SMYD3: variants seen among roughly 807,000 people sequenced by gnomAD.
SMYD3 encodes the protein SET and MYND domain containing 3.
A neutral mutation model predicts 57.7 loss-of-function variants in SMYD3; 36 were observed. The observed-to-expected ratio is 0.62, with a 90% confidence interval of 0.48 to 0.82. SMYD3 has a LOEUF of 0.82. SMYD3 is among the 40% of genes least tolerant of loss of function. The pLI, the probability that SMYD3 is intolerant of heterozygous loss-of-function variation, is 0.00. For synonymous variants in SMYD3, 211 were observed against 195.0 expected, an observed-to-expected ratio of 1.08 and a Z score of -0.68; for missense variants, 515 against 538.8, an observed-to-expected ratio of 0.96 and a Z score of 0.44.
chr1:245,749,483 G>T lies in SMYD3; in HGVS notation c.*80C>A. On this transcript the variant is annotated 3_prime_UTR_variant, in exon 12 of 12. Transcript: ENST00000490107. ...ATTTCCAATAGGAGAGGTTCACACA[G>T]CTAACAAAGCATAGAGTGTGTGACC... 3.6e-6 allele frequency: 4 copies of T among 1,098,794 alleles called. No homozygotes were observed. The highest frequency in any genetic ancestry group is 5.5e-6 in the Non-Finnish European group (4 of 723,410). The allele number at this position is 1,098,794 out of a possible 1,614,324, so 68.1% of individuals were successfully genotyped here. A position where few individuals can be genotyped will look rare whatever the true frequency, so the allele number is the denominator to read the frequency against.
At chr1:246,502,479 AT>A (rs1156915187) in intron 1 of SMYD3, among the ~76,000 whole-genome samples, 1 of 152,000 alleles carries the variant, frequency 6.6e-6, no homozygotes. Flanking sequence ...AATATGCGCC[AT>A]TTTTTCTATA....
intron 5 of SMYD3, among the ~76,000 whole-genome samples, chr1:246,170,537 T>C (rs369235280): frequency 7.2e-5 from 11 of 152,228 alleles, no homozygotes; most frequent in African/African-American, 2.6e-4. Context: ...AATTCTACTA[T>C]GAGTAATTTT....
At chr1:246,266,078 T>C (rs905680757) in intron 5 of SMYD3, among the ~76,000 whole-genome samples, 1 of 152,246 alleles carries the variant, frequency 6.6e-6, no homozygotes, top group African/African-American at 2.4e-5. Context: ...TTTTAGTTCT[T>C]GTTTGCTGAA....
At chr1:245,905,210 A>G (rs1260029929) in intron 8 of SMYD3, among the ~76,000 whole-genome samples, 1 of 151,916 alleles carries the variant, frequency 6.6e-6, no homozygotes, top group Non-Finnish European at 1.5e-5. Context: ...TGTTTGAGAA[A>G]AGCAGAGAGA....
At chr1:245,960,630 G>A (rs778856310) in intron 5 of SMYD3, among the ~76,000 whole-genome samples, 1 of 152,162 alleles carries the variant, frequency 6.6e-6, no homozygotes, top group Non-Finnish European at 1.5e-5. Flanking sequence ...AGGAGGCTGA[G>A]GTGGGAGGAT....
At chr1:245,749,735 C>T (rs1258525118) in intron 11 of SMYD3, 71 bp from the exon 12 acceptor site, 10 of 1,218,982 alleles carry the variant, frequency 8.2e-6, no homozygotes, top group Non-Finnish European at 7.2e-6. Context: ...CACCTTTACC[C>T]CATGATGCCA....
intron 1 of SMYD3, among the ~76,000 whole-genome samples, chr1:246,378,745 T>TATATA (rs201719832): frequency 3.6e-5 from 4 of 112,164 alleles, no homozygotes; most frequent in African/African-American, 1.1e-4. Context: ...TATATAATTA[T>TATATA]ATATAATATA....
At chr1:246,060,214 A>G (rs999043858) in intron 5 of SMYD3, among the ~76,000 whole-genome samples, 5 of 152,054 alleles carry the variant, frequency 3.3e-5, no homozygotes, top group African/African-American at 1.2e-4. Flanking sequence ...CTTGAGCTCA[A>G]GAAGTTGAGG....
At chr1:246,351,691 C>G (rs990205434) in intron 2 of SMYD3, among the ~76,000 whole-genome samples, 3 of 152,160 alleles carry the variant, frequency 2.0e-5, no homozygotes, top group African/African-American at 7.2e-5. Context: ...GTATATCCTC[C>G]ATCCATAAAA....
chr1:246,443,826 A>G (rs1403126300), intron 1 of SMYD3, among the ~76,000 whole-genome samples: 2 of 152,216 alleles, frequency 1.3e-5, no homozygotes, highest in Non-Finnish European at 2.9e-5. Context: ...ACTTAATGAA[A>G]TATGTCCACC....
At chr1:246,122,929 T>TC (rs1177927697) in intron 5 of SMYD3, among the ~76,000 whole-genome samples, 2 of 152,238 alleles carry the variant, frequency 1.3e-5, no homozygotes, top group Non-Finnish European at 2.9e-5. Context: ...CAGAACTTCT[T>TC]CATAGGAAGT....
rs145895953 is a variant in SMYD3 at position 245,789,621 on chromosome 1, C to T, written c.1077-25472G>A. Among the ~76,000 whole-genome samples the T allele has an allele frequency of 2.5e-3, 379 of 152,268 alleles. 2 individuals carry two copies. Among genetic ancestry groups the T allele is most frequent in the East Asian group, 0.024 (122 of 5,180 alleles). On this transcript the variant is annotated intron_variant, in intron 10 of 11. Coordinates refer to ENST00000490107, the MANE Select transcript of SMYD3 (RefSeq NM_001167740.2). ...CTGTATTCTGGAAATTTCCTTGAAA[C>T]TAAATATTGGTGCCAAATGAAGTCC...
intron 5 of SMYD3, among the ~76,000 whole-genome samples, chr1:246,075,833 A>G (rs2060536145): frequency 6.6e-6 from 1 of 152,064 alleles, no homozygotes; most frequent in East Asian, 1.9e-4. Context: ...TGAGGAGTTC[A>G]TATTTTACAT....
chr1:245,841,482 C>T (rs147531637), intron 10 of SMYD3, among the ~76,000 whole-genome samples: 276 of 152,278 alleles, frequency 1.8e-3, no homozygotes, highest in African/African-American at 5.8e-3. Flanking sequence ...AACAATTAAA[C>T]ATTTAAGTTA....
At chr1:246,444,019 T>G (rs1300830657) in intron 1 of SMYD3, among the ~76,000 whole-genome samples, 1 of 152,056 alleles carries the variant, frequency 6.6e-6, no homozygotes, top group African/African-American at 2.4e-5. Context: ...AAGAAAGAAA[T>G]AAGGTATGGA....
intron 5 of SMYD3, among the ~76,000 whole-genome samples, chr1:246,046,334 A>G (rs1031948650): frequency 2.6e-5 from 4 of 152,162 alleles, no homozygotes; most frequent in African/African-American, 9.7e-5. Context: ...AGGGACATGG[A>G]TGAAGCTGGA....
intron 1 of SMYD3, 50 bp downstream of exon 1, chr1:246,507,004 G>GCACCCCC: frequency 1.1e-6 from 1 of 915,976 alleles, no homozygotes; most frequent in Non-Finnish European, 1.5e-6. Flanking sequence ...CCCCTCCCCA[G>GCACCCCC]CACCCCACAC....
chr1:246,354,983 G>C, intron 2 of SMYD3, 48 bp downstream of exon 2: 1 of 1,546,398 alleles, frequency 6.5e-7, no homozygotes, highest in South Asian at 1.1e-5. Context: ...ACAAATTTAA[G>C]AGTAAAGAAT....
intron 10 of SMYD3, among the ~76,000 whole-genome samples, chr1:245,773,498 C>A (rs1014449253): frequency 6.6e-6 from 1 of 152,212 alleles, no homozygotes; most frequent in African/African-American, 2.4e-5. Flanking sequence ...GCAGGGAAAC[C>A]TCAGGGGCTG....
Sources: gnomAD v4.1 joint callset for allele counts (sites outside exome capture counted in the v4.1 genomes callset) on GRCh38, gnomAD v4.1.1 for gene constraint, MANE v1.5 for transcripts, NCBI Gene and HGNC (gene_info 2026-07-23, HGNC 2026-07-21) for gene names.